The following ESPL1 variants were observed in gnomAD, a reference collection of about 807,000 sequenced individuals.
ESPL1 encodes the protein extra spindle pole bodies like 1, separase, also known as separin.
ESPL1 carries 50 observed loss-of-function variants against 217.2 expected under a neutral mutation model. That is an observed-to-expected ratio of 0.23 (90% CI 0.18 to 0.29). ESPL1 has a LOEUF of 0.29. Among genes scored for constraint, ESPL1 ranks in the 10% least tolerant of loss-of-function variants. ESPL1 has a pLI of 1.00. For missense variants in ESPL1, 1,834 were observed against 2,603.0 expected (o/e 0.70, Z 6.43); for synonymous variants, 994 against 1,081.3 (o/e 0.92, Z 1.58).
At chr12:53,287,761 C>T (rs1479689747) in intron 18 of ESPL1, 5 of 505,204 alleles carry the variant, frequency 9.9e-6, no homozygotes, top group African/African-American at 1.9e-5. Flanking sequence ...TTTCATCCCA[C>T]CTTCTGTTCC....
chr12:53,276,907 C>T (rs201291279), intron 8 of ESPL1, 48 bp downstream of exon 8: 6 of 1,592,780 alleles, frequency 3.8e-6, no homozygotes, highest in Non-Finnish European at 5.1e-6. Context: ...TGCCCTAGGT[C>T]CTCTCACCCT....
rs577130663 is a variant in ESPL1, at chr12:53,281,543, C to G, written c.2536C>G (p.Leu846Val). The change falls in exon 13 of 31, where the codon CTC becomes GTC. Residue 846 changes from leucine to valine, a missense_variant. Leu to Val is a conservative substitution (Grantham distance 32, BLOSUM62 1). This residue lies in a region of ESPL1 where 746 missense variants were observed against 1,077.0 expected (regional missense o/e 0.69). Coordinates refer to ENST00000257934, the MANE Select transcript of ESPL1 (RefSeq NM_012291.5). Reference protein sequence around the residue: ...LEEAASSLKHLDQTTDTYLLL... With the variant: ...LEEAASSLKHVDQTTDTYLLL... The stretch of plus-strand genomic sequence containing the variant: ...AGAGGCAGCATCGAGCCTGAAGCAT[C>G]TCGATCAGACTACTGACACATACCT... The G allele has an allele frequency of 6.2e-7, 1 of 1,613,788 alleles. No homozygotes were observed. Among genetic ancestry groups the G allele is most frequent in the African/African-American group, 1.3e-5 (1 of 74,916 alleles).
chr12:53,285,026 A>AAAAAGAAGAAAGAAAG (rs1555187243), intron 17 of ESPL1, among the ~76,000 whole-genome samples: 1 of 95,500 alleles, frequency 1.0e-5, no homozygotes, highest in South Asian at 2.6e-4. Context: ...AAAAAAAAAA[A>AAAAAGAAGAAAGAAAG]AGAAGAAAGA....
Position 53,269,417 on chromosome 12 carries a change from T to C in ESPL1, c.475T>C (p.Leu159=), listed in dbSNP as rs140112349. The C allele has an allele frequency of 3.2e-5, 51 of 1,613,794 alleles. No homozygotes were observed. In the African/African-American group the frequency reaches 4.9e-4, roughly 16 times the overall value. Reference sequence around the variant, plus strand: ...GCTTTGGAAGGGGGCAGAAGCCCTGTTGGAACGGCGAGCTGCATTTGCAGC... The same window carrying C: ...GCTTTGGAAGGGGGCAGAAGCCCTGCTGGAACGGCGAGCTGCATTTGCAGC... The part of the protein sequence containing the change: ...SLLWKGAEAL[L]ERRAAFAARL... Residue 159 remains leucine (L), a synonymous_variant, in exon 3 of 31, where the codon TTG becomes CTG. Transcript: ENST00000257934. This position sits in a 1 kb window ranked among gnomAD's most constrained non-coding sequence, Gnocchi z 6.7.
Position 53,287,982 on chromosome 12 carries a change from G to A in ESPL1, c.4187G>A (p.Ser1396Asn), listed in dbSNP as rs1251621145. Residue 1396 changes from serine (S) to asparagine (N), a missense_variant, in exon 19 of 31, where the codon AGT becomes AAT. By Grantham distance (46) the Ser-to-Asn change is conservative. Transcript: ENST00000257934. ...RVQTRLKVNF[S>N]DDSDLEDPVS... is the part of the protein sequence containing the mutation. ...TCACTCTGATCTCAGGTGAACTTCAGTGATGACAGTGACTTGGAAGACCCT... is the reference window on the plus strand; with the variant it reads ...TCACTCTGATCTCAGGTGAACTTCAATGATGACAGTGACTTGGAAGACCCT... 1 of 1,601,920 alleles carries A rather than the reference G, an allele frequency of 6.2e-7. No homozygotes were observed. The highest frequency in any genetic ancestry group is 8.5e-7 in the Non-Finnish European group (1 of 1,173,884).
At chr12:53,287,936 A>T in intron 18 of ESPL1, 36 bp from the exon 19 acceptor site, 2 of 1,529,180 alleles carry the variant, frequency 1.3e-6, no homozygotes, top group South Asian at 1.3e-5. Context: ...GTCACTGAAG[A>T]CCTCTTAGCC....
rs1289690421 is a variant in ESPL1 at position 53,286,500 on chromosome 12, C to G, written c.3764C>G (p.Ala1255Gly). The change falls in exon 18 of 31, where the codon GCA becomes GGA. Residue 1255 changes from alanine (A) to glycine (G), a missense_variant. Ala to Gly is a moderately conservative substitution (Grantham distance 60). Coordinates refer to ENST00000257934, the MANE Select transcript of ESPL1 (RefSeq NM_012291.5). This position sits in a 1 kb window ranked among gnomAD's most constrained non-coding sequence, Gnocchi z 5.3. ...KVLQSGLKFV[A>G]ARIPHLEPWR... The stretch of plus-strand genomic sequence containing the variant: ...CTACAGTCAGGGCTGAAGTTTGTAG[C>G]AGCACGGATACCCCACCTAGAGCCC... 1.2e-6 allele frequency: 2 copies of G among 1,614,102 alleles called. No homozygotes were observed. The highest frequency in any genetic ancestry group is 1.7e-6 in the Non-Finnish European group (2 of 1,180,046).
At position 53,293,310 on chromosome 12, in the gene ESPL1, C is replaced by T. The variant is rs781666413; in HGVS notation, c.6199C>T (p.Arg2067Cys). The change falls in exon 31 of 31, where the codon CGC (arginine) becomes TGC (cysteine). Residue 2067 changes from arginine to cysteine, a missense_variant. Physicochemically the swap from Arg to Cys is radical, Grantham distance 180. Around this residue, in one of 5 missense-constraint regions of ESPL1, gnomAD observed 295 missense variants for 519.8 expected, o/e 0.57. Transcript: ENST00000257934. The surrounding 1 kb of genome is among the most constrained non-coding windows in gnomAD (Gnocchi z 4.2). ...GGGTAATCTCTGGGATGTGACTGACCGCGACATTGACCGCTACACGGAAGC... is the reference window on the plus strand; with the variant it reads ...GGGTAATCTCTGGGATGTGACTGACTGCGACATTGACCGCTACACGGAAGC... The part of the protein sequence containing the change: ...FLGNLWDVTD[R>C]DIDRYTEALL... 4.3e-6 allele frequency: 7 copies of T among 1,613,982 alleles called. No homozygotes were observed. The highest frequency in any genetic ancestry group is 2.2e-5 in the South Asian group (2 of 91,078).
chr12:53,272,659 T>G, intron 5 of ESPL1, 62 bp from the exon 6 acceptor site: 1 of 1,580,896 alleles, frequency 6.3e-7, no homozygotes, highest in Non-Finnish European at 8.6e-7. Flanking sequence ...CTGCTGCCTC[T>G]CCAGGAGGAG....
Position 53,293,412 on chromosome 12 carries a change from C to T in ESPL1, c.6301C>T (p.Arg2101Ter). 6.2e-7 allele frequency: 1 copy of T among 1,614,146 alleles called. No individual in the cohort carries two copies. Among genetic ancestry groups the T allele is most frequent in the Non-Finnish European group, 8.5e-7 (1 of 1,180,014 alleles). ...YYVNQARQAP[R>*]LKYLIGAAPI... is the part of the protein sequence containing the mutation. ...TGTAAACCAGGCCCGCCAAGCTCCC[C>T]GACTCAAGTATCTTATTGGGGCTGC... Residue 2101 changes from arginine to a stop codon, truncating the protein, a stop_gained, in exon 31 of 31, where the codon CGA (arginine) becomes TGA (stop). Transcript: ENST00000257934. LOFTEE classifies it high-confidence loss of function. This position sits in a 1 kb window ranked among gnomAD's most constrained non-coding sequence, Gnocchi z 4.2.
Position 53,272,843 on chromosome 12 carries a change from G to A in ESPL1, c.1492G>A (p.Val498Met). Reference protein sequence around the residue: ...GLVKPGTYPEVPPEKLHRCFR... With the variant: ...GLVKPGTYPEMPPEKLHRCFR... ...GGTGAAGCCAGGCACTTATCCCGAG[G>A]TGCCTCCTGAGAAGGTACAAGGGAA... The change falls in exon 6 of 31, where the codon GTG becomes ATG. Residue 498 changes from valine (V) to methionine (M), a missense_variant. This residue lies in a region of ESPL1 where 746 missense variants were observed against 1,077.0 expected (regional missense o/e 0.69). Transcript: ENST00000257934. 6.2e-7 allele frequency: 1 copy of A among 1,613,934 alleles called. No individual in the cohort carries two copies. Among genetic ancestry groups the A allele is most frequent in the Non-Finnish European group, 8.5e-7 (1 of 1,180,016 alleles).
At position 53,269,676 on chromosome 12, in the gene ESPL1, C is replaced by G. The variant is rs369031882; in HGVS notation, c.734C>G (p.Pro245Arg). ...GGGAGCTCTTCTGGGCTTCTTTCTCCCCAGAGGGCCCTCTGCCTCTTGGAG... is the reference window on the plus strand; with the variant it reads ...GGGAGCTCTTCTGGGCTTCTTTCTCGCCAGAGGGCCCTCTGCCTCTTGGAG... ...ERGSSSGLLS[P>R]QRALCLLELT... is the part of the protein sequence containing the mutation. Residue 245 changes from proline (P) to arginine (R), a missense_variant, in exon 3 of 31, where the codon CCC becomes CGC. Pro to Arg is a moderately radical substitution (Grantham distance 103). This residue lies in a region of ESPL1 where 746 missense variants were observed against 1,077.0 expected (regional missense o/e 0.69). Coordinates refer to ENST00000257934, the MANE Select transcript of ESPL1 (RefSeq NM_012291.5). The surrounding 1 kb of genome is among the most constrained non-coding windows in gnomAD (Gnocchi z 6.7). 1.2e-6 allele frequency: 2 copies of G among 1,614,176 alleles called. No homozygotes were observed. Among genetic ancestry groups the G allele is most frequent in the Non-Finnish European group, 1.7e-6 (2 of 1,180,028 alleles).
chr12:53,283,266 G>C lies in ESPL1; in HGVS notation c.2920+9G>C, dbSNP rs758453887. The C allele has an allele frequency of 6.2e-6, 10 of 1,614,130 alleles. No individual in the cohort carries two copies. The highest frequency in any genetic ancestry group is 8.5e-6 in the Non-Finnish European group (10 of 1,179,982). The stretch of plus-strand genomic sequence containing the variant: ...ATCGTTTTTGGACTATGGTGAGTCT[G>C]GGGAGGACAGCAGGGCCCTCTTGGA... On this transcript the variant is annotated intron_variant, in intron 15 of 30. Transcript: ENST00000257934.
At chr12:53,271,220 C>T (rs1345815208) in intron 5 of ESPL1, among the ~76,000 whole-genome samples, 2 of 119,794 alleles carry the variant, frequency 1.7e-5, no homozygotes, top group African/African-American at 6.5e-5. Context: ...GTCACCTAGG[C>T]TGGAGTGCAC....
At position 53,268,830 on chromosome 12, in the gene ESPL1, T is replaced by C; in HGVS notation, c.64T>C (p.Leu22=). The C allele has an allele frequency of 6.2e-7, 1 of 1,612,318 alleles. No homozygotes were observed. The highest frequency in any genetic ancestry group is 8.5e-7 in the Non-Finnish European group (1 of 1,179,392). Residue 22 remains leucine (L), a synonymous_variant, in exon 2 of 31, where the codon TTG becomes CTG. Coordinates refer to ENST00000257934, the MANE Select transcript of ESPL1 (RefSeq NM_012291.5). ...LLSSQKEAEE[L]LPALKEFLSN... is the part of the protein sequence containing the mutation. ...AAGCAGCCAGAAGGAGGCTGAAGAGTTGCTGCCCGCCTTGAAGGTGGGGGT... is the reference window on the plus strand; with the variant it reads ...AAGCAGCCAGAAGGAGGCTGAAGAGCTGCTGCCCGCCTTGAAGGTGGGGGT...
Position 53,292,667 on chromosome 12 carries a change from TA to T in ESPL1, c.5996+12del, listed in dbSNP as rs1479492686. 1 of 1,611,570 alleles carries T rather than the reference TA, an allele frequency of 6.2e-7. No individual in the cohort carries two copies. Among genetic ancestry groups the T allele is most frequent in the Non-Finnish European group, 8.5e-7 (1 of 1,178,610 alleles). ...AGCATGATTTGTATATGTGAGTGCT[TA>T]AGGCAGGGATGTGGGGAGAGGGGCA... On this transcript the variant is annotated intron_variant, in intron 29 of 30. Transcript: ENST00000257934. The surrounding 1 kb of genome is among the most constrained non-coding windows in gnomAD (Gnocchi z 4.5).
chr12:53,284,142 T>C lies in ESPL1; in HGVS notation c.3162T>C (p.Val1054=). ...TCTGTCAGTCGGACCTGCAGCAGGT[T>C]CTGTTCTTGCTTGAGTCTTGCACAG... ...IDLCQSDLQQ[V]LFLLESCTEF... The change falls in exon 17 of 31, where the codon GTT becomes GTC. Residue 1054 remains valine (V), a synonymous_variant. Transcript: ENST00000257934. The C allele has an allele frequency of 1.2e-6, 2 of 1,613,676 alleles. No individual in the cohort carries two copies. The highest frequency in any genetic ancestry group is 1.7e-6 in the Non-Finnish European group (2 of 1,179,560).
intron 2 of ESPL1, 47 bp from the exon 3 acceptor site, chr12:53,268,974 ACCT>A: frequency 6.5e-7 from 1 of 1,529,826 alleles, no homozygotes; most frequent in Non-Finnish European, 9.0e-7. Flanking sequence ...TACTTTCTCT[ACCT>A]CTTTCCTGCC....
rs1399734455 is a variant in ESPL1, at chr12:53,283,365, T to C, written c.2921-17T>C. On this transcript the variant is annotated splice_polypyrimidine_tract_variant and intron_variant, in intron 15 of 30. Transcript: ENST00000257934. ...CACTGTGGCTGAGTGATGGTGGTCT[T>C]GTCTCTTTTGCTACAGGTGAAAATC... The C allele has an allele frequency of 1.2e-6, 2 of 1,613,730 alleles. No homozygotes were observed. The highest frequency in any genetic ancestry group is 4.5e-5 in the East Asian group (2 of 44,884).
Sources: allele counts gnomAD v4.1 joint callset (sites outside exome capture counted in the v4.1 genomes callset), GRCh38; gene constraint gnomAD v4.1.1; regional missense constraint gnomAD v4.1.1; non-coding constraint Gnocchi (gnomAD v3.1); transcripts MANE v1.5; gene names NCBI Gene and HGNC (gene_info 2026-07-23, HGNC 2026-07-21).